Variants in COL21A1 observed in about 807,000 individuals in gnomAD.
COL21A1 encodes the protein collagen type XXI alpha 1 chain, also known as collagen alpha-1(XXI) chain.
COL21A1 carries 149 observed loss-of-function variants against 137.9 expected under a neutral mutation model. The ratio of observed to expected loss-of-function variants is 1.08; its 90% CI spans 0.95 to 1.24. The LOEUF is 1.24. Among genes scored for constraint, COL21A1 ranks in the 50% most tolerant of loss-of-function variants. The pLI, the probability that COL21A1 is intolerant of heterozygous loss-of-function variation, is 0.00. For synonymous variants in COL21A1, 456 were observed against 391.5 expected, an observed-to-expected ratio of 1.16 and a Z score of -1.95; for missense variants, 1,167 against 1,158.4, an observed-to-expected ratio of 1.01 and a Z score of -0.11.
At chr6:56,262,899 A>T (rs1582741095) in intron 1 of COL21A1, among the ~76,000 whole-genome samples, 1 of 152,318 alleles carries the variant, frequency 6.6e-6, no homozygotes, top group Middle Eastern at 3.4e-3. Flanking sequence ...GAGGACACAG[A>T]CCTGGTGTGC....
At chr6:56,226,655 T>G (rs115049851) in intron 1 of COL21A1, among the ~76,000 whole-genome samples, 65 of 152,052 alleles carry the variant, frequency 4.3e-4, no homozygotes, top group African/African-American at 1.5e-3. Context: ...CTAACTTAAT[T>G]TATCTTGAAT....
At chr6:56,165,063 T>G (rs1582531486) in intron 7 of COL21A1, among the ~76,000 whole-genome samples, 1 of 151,974 alleles carries the variant, frequency 6.6e-6, no homozygotes, top group South Asian at 2.1e-4. Flanking sequence ...AAGAAGAAAA[T>G]TAGAACACCA....
intron 1 of COL21A1, among the ~76,000 whole-genome samples, chr6:56,261,645 T>C (rs1161699917): frequency 6.6e-6 from 1 of 152,216 alleles, no homozygotes; most frequent in African/African-American, 2.4e-5. Context: ...TTATTGTATT[T>C]AAGGTGCCCA....
intron 12 of COL21A1, among the ~76,000 whole-genome samples, chr6:56,141,045 T>C (rs1001042969): frequency 1.3e-5 from 2 of 152,166 alleles, no homozygotes; most frequent in Admixed American, 1.3e-4. Flanking sequence ...AGTTCAATTA[T>C]TTTAAGATGT....
chr6:56,065,340 T>C (rs1766148279), intron 23 of COL21A1, among the ~76,000 whole-genome samples: 1 of 152,058 alleles, frequency 6.6e-6, no homozygotes, highest in Admixed American at 6.6e-5. Flanking sequence ...AATTCATCAA[T>C]TTAATTAAGT....
chr6:56,226,334 G>A (rs3857612), intron 1 of COL21A1, among the ~76,000 whole-genome samples: 90,687 of 151,748 alleles, frequency 0.6, 27,526 homozygotes, highest in East Asian at 0.86. Flanking sequence ...AATGTTCCTC[G>A]TTATTTAATG....
At chr6:56,165,147 T>C (rs558883241) in intron 7 of COL21A1, among the ~76,000 whole-genome samples, 1 of 152,270 alleles carries the variant, frequency 6.6e-6, no homozygotes, top group South Asian at 2.1e-4. Flanking sequence ...TCTTGAAATT[T>C]TAGGAAATCA....
chr6:56,198,396 G>A (rs925264438), intron 1 of COL21A1, among the ~76,000 whole-genome samples: 1 of 152,002 alleles, frequency 6.6e-6, no homozygotes, highest in Non-Finnish European at 1.5e-5. Flanking sequence ...ACCTAGTGAG[G>A]TAATTGATAT....
chr6:56,116,662 A>C (rs186863506), intron 16 of COL21A1, among the ~76,000 whole-genome samples: 1 of 152,114 alleles, frequency 6.6e-6, no homozygotes, highest in East Asian at 1.9e-4. Context: ...AATATTATAC[A>C]CTGTTACTGT....
chr6:56,130,143 T>G (rs909824496), intron 12 of COL21A1, among the ~76,000 whole-genome samples: 4 of 139,888 alleles, frequency 2.9e-5, no homozygotes, highest in Non-Finnish European at 6.1e-5. Context: ...TCTGCCTCCC[T>G]GAGAGCATTC....
Position 56,275,519 on chromosome 6 carries a change from A to G in COL21A1, c.-38-92863T>C, listed in dbSNP as rs560183991. On this transcript the variant is annotated intron_variant, in intron 1 of 28. Transcript: ENST00000370819. ...AGGATCTAAAACAAATCAACAAGGA[A>G]AAAAACAAATAATCCCGTTAAAAAT... 4.1e-4 allele frequency among the ~76,000 whole-genome samples: 62 copies of G among 152,364 alleles called. 1 individual carries two copies. The highest frequency in any genetic ancestry group is 1.5e-3 in the African/African-American group (61 of 41,600).
intron 1 of COL21A1, among the ~76,000 whole-genome samples, chr6:56,293,743 T>G (rs1263938657): frequency 6.6e-6 from 1 of 152,138 alleles, no homozygotes; most frequent in Admixed American, 6.5e-5. Flanking sequence ...TATGAAAAAT[T>G]TATGATGAAG....
chr6:56,325,994 ATACATAC>A (rs1271621059), intron 1 of COL21A1, among the ~76,000 whole-genome samples: 2,147 of 4,166 alleles, frequency 0.52, 615 homozygotes, highest in East Asian at 0.81. Flanking sequence ...ATATATGTAT[ATACATAC>A]ATATATTATG....
intron 1 of COL21A1, among the ~76,000 whole-genome samples, chr6:56,275,646 A>G (rs2152333103): frequency 6.6e-6 from 1 of 152,362 alleles, no homozygotes; most frequent in South Asian, 2.1e-4. Context: ...CATCAGAGAA[A>G]TGCAAATCTA....
chr6:56,265,397 G>A (rs1582742752), intron 1 of COL21A1, among the ~76,000 whole-genome samples: 1 of 152,272 alleles, frequency 6.6e-6, no homozygotes, highest in South Asian at 2.1e-4. Flanking sequence ...AAAAACCATG[G>A]GAAACAATAG....
intron 17 of COL21A1, among the ~76,000 whole-genome samples, chr6:56,098,260 CAT>C (rs1458010797): frequency 5.3e-5 from 1 of 18,872 alleles, no homozygotes; most frequent in Non-Finnish European, 9.6e-5. Flanking sequence ...TATATAAATA[CAT>C]ATATAAATAT....
Position 56,335,411 on chromosome 6 carries a change from G to T in COL21A1, c.-39+58560C>A, listed in dbSNP as rs1765313644. 2.0e-5 allele frequency among the ~76,000 whole-genome samples: 3 copies of T among 152,238 alleles called. No individual in the cohort carries two copies. In the South Asian group the frequency reaches 6.2e-4, roughly 32 times the overall value. ...ATTGCTATCTCTAGTGACAATCCCA[G>T]AAATTAAGCCACAGCTCCTGTAACA... On this transcript the variant is annotated intron_variant, in intron 1 of 28. Transcript: ENST00000370819.
At chr6:56,336,533 C>T (rs2152344398) in intron 1 of COL21A1, among the ~76,000 whole-genome samples, 1 of 152,130 alleles carries the variant, frequency 6.6e-6, no homozygotes, top group Admixed American at 6.5e-5. Context: ...ATAAGCCAGC[C>T]TTAGAGATTT....
At chr6:56,388,105 C>T (rs1486729065) in intron 1 of COL21A1, among the ~76,000 whole-genome samples, 1 of 152,194 alleles carries the variant, frequency 6.6e-6, no homozygotes, top group Non-Finnish European at 1.5e-5. Flanking sequence ...AGCAGATTCC[C>T]AAAGCCCCTG....
Sources: gnomAD v4.1 joint callset for allele counts (sites outside exome capture counted in the v4.1 genomes callset) on GRCh38, gnomAD v4.1.1 for gene constraint, MANE v1.5 for transcripts, NCBI Gene and HGNC (gene_info 2026-07-23, HGNC 2026-07-21) for gene names.